The following C8orf89 variants were observed in gnomAD, a reference collection of about 807,000 sequenced individuals.
C8orf89 encodes the protein chromosome 8 open reading frame 89, also known as putative uncharacterized protein C8orf89.
Under a neutral mutation model 15.8 loss-of-function variants are expected in C8orf89, and 14 were observed. That is an observed-to-expected ratio of 0.89 (90% CI 0.59 to 1.39). The LOEUF is 1.39. C8orf89 is among the 40% of genes most tolerant of loss of function. C8orf89 has a pLI of 0.00. For missense variants in C8orf89, 181 were observed against 184.5 expected (o/e 0.98, Z 0.11); for synonymous variants, 55 against 62.2 (o/e 0.88, Z 0.54).
At chr8:73,273,989 C>T in the C8orf89 span, among the ~76,000 whole-genome samples, 1 of 151,876 alleles carries the variant, frequency 6.6e-6, no homozygotes. Context: ...ATATATCATC[C>T]AAATTATGCT....
intron 3 of C8orf89, among the ~76,000 whole-genome samples, chr8:73,243,522 T>C (rs1163755340): frequency 6.6e-6 from 1 of 152,188 alleles, no homozygotes; most frequent in Non-Finnish European, 1.5e-5. Flanking sequence ...GTTTACTTTC[T>C]TTTTCTTTTC....
At chr8:73,273,597 G>A in the C8orf89 span, among the ~76,000 whole-genome samples, 2 of 152,264 alleles carry the variant, frequency 1.3e-5, no homozygotes, top group Non-Finnish European at 2.9e-5. Flanking sequence ...TGGGCACCAT[G>A]GACGGCAGGT....
Position 73,256,917 on chromosome 8 carries a change from G to C in C8orf89, c.281+56C>G, listed in dbSNP as rs115823912. ...CTGACCAGAAAAACCTCTACATTCA[G>C]CAGTATTACTACAAATACACATTCA... On this transcript the variant is annotated intron_variant, in intron 2 of 3. Coordinates refer to ENST00000624510, the MANE Select transcript of C8orf89 (RefSeq NM_001243237.3). 3.3e-3 allele frequency: 4,068 copies of C among 1,249,442 alleles called. 102 individuals carry two copies. The African/African-American group carries it at 0.056, about 17-fold the overall frequency. 77.4% of individuals were successfully genotyped at this position (1,249,442 alleles called of 1,614,324 possible).
the C8orf89 span, among the ~76,000 whole-genome samples, chr8:73,270,681 G>A: frequency 2.0e-5 from 3 of 152,150 alleles, no homozygotes; most frequent in Non-Finnish European, 4.4e-5. Context: ...CAGGGCAGGT[G>A]GATCACTTGA....
chr8:73,278,223 C>T, the C8orf89 span, among the ~76,000 whole-genome samples: 3 of 152,138 alleles, frequency 2.0e-5, no homozygotes, highest in East Asian at 1.9e-4. Context: ...ACCCCTAAAA[C>T]GTTATTTGTA....
the C8orf89 span, among the ~76,000 whole-genome samples, chr8:73,282,793 G>C: frequency 6.6e-6 from 1 of 152,202 alleles, no homozygotes; most frequent in Non-Finnish European, 1.5e-5. Flanking sequence ...CAGTGAGAAT[G>C]CAAGATTGAT....
chr8:73,282,168 G>A, the C8orf89 span, among the ~76,000 whole-genome samples: 282 of 152,226 alleles, frequency 1.9e-3, 1 homozygote, highest in African/African-American at 6.4e-3. Context: ...AAGCATGTAC[G>A]ATATACACAT....
At chr8:73,285,630 C>G in the C8orf89 span, among the ~76,000 whole-genome samples, 1 of 152,210 alleles carries the variant, frequency 6.6e-6, no homozygotes, top group Admixed American at 6.5e-5. Flanking sequence ...GCAGCTGCAC[C>G]GAGGGGAGGG....
At chr8:73,246,683 G>A (rs1324207980) in intron 3 of C8orf89, among the ~76,000 whole-genome samples, 1 of 152,108 alleles carries the variant, frequency 6.6e-6, no homozygotes, top group Non-Finnish European at 1.5e-5. Flanking sequence ...AGCCAGCAAT[G>A]TCTTTTGTTC....
chr8:73,278,448 G>A, the C8orf89 span, among the ~76,000 whole-genome samples: 10 of 152,084 alleles, frequency 6.6e-5, no homozygotes, highest in Non-Finnish European at 1.0e-4. Context: ...CTCCTACCCT[G>A]ACGCCCGGGC....
the C8orf89 span, among the ~76,000 whole-genome samples, chr8:73,282,206 C>A: frequency 6.6e-6 from 1 of 152,054 alleles, no homozygotes; most frequent in Non-Finnish European, 1.5e-5. Flanking sequence ...AAAAAACACA[C>A]AAAAATAACT....
chr8:73,247,633 TTCTGA>T (rs1274523706), intron 3 of C8orf89, among the ~76,000 whole-genome samples: 3 of 152,354 alleles, frequency 2.0e-5, no homozygotes, highest in African/African-American at 7.2e-5. Flanking sequence ...ATAGTAGCCA[TTCTGA>T]CTCATGTGAG....
the C8orf89 span, among the ~76,000 whole-genome samples, chr8:73,269,632 T>A: frequency 6.6e-6 from 1 of 152,208 alleles, no homozygotes; most frequent in African/African-American, 2.4e-5. Context: ...ACTTAATATA[T>A]GCAGGTAGAT....
intron 3 of C8orf89, among the ~76,000 whole-genome samples, chr8:73,241,978 C>G (rs1813016808): frequency 6.6e-6 from 1 of 151,476 alleles, no homozygotes; most frequent in African/African-American, 2.4e-5. Flanking sequence ...CATCTCTCGA[C>G]ATATAAAAAA....
At position 73,259,432 on chromosome 8, in the gene C8orf89, T is replaced by G; in HGVS notation, c.27A>C (p.Lys9Asn). 6.5e-7 allele frequency: 1 copy of G among 1,534,078 alleles called. No individual in the cohort carries two copies. Among genetic ancestry groups the G allele is most frequent in the Non-Finnish European group, 8.7e-7 (1 of 1,146,034 alleles). Residue 9 changes from lysine to asparagine, a missense_variant, in exon 1 of 4, where the codon AAA (lysine) becomes AAC (asparagine). Transcript: ENST00000624510. MSVLSPEIKCETSKFTRSS... is the reference protein window; with the variant it reads MSVLSPEINCETSKFTRSS... ...TTCTGGTGAATTTAGAAGTCTCACA[T>G]TTGATTTCAGGAGATAGCACTGACA...
the C8orf89 span, among the ~76,000 whole-genome samples, chr8:73,275,749 G>A: frequency 1.3e-5 from 2 of 151,958 alleles, no homozygotes; most frequent in African/African-American, 4.8e-5. Flanking sequence ...TGTTATATAT[G>A]TTGCAAATAT....
At chr8:73,250,423 A>T in intron 2 of C8orf89, 100 bp from the exon 3 acceptor site, 1 of 685,854 alleles carries the variant, frequency 1.5e-6, no homozygotes, top group Non-Finnish European at 2.4e-6. Context: ...AATAAATGTT[A>T]AGGAAAGGAA....
At chr8:73,278,024 C>G in the C8orf89 span, 1 of 543,162 alleles carries the variant, frequency 1.8e-6, no homozygotes, top group South Asian at 1.7e-5. Context: ...GGTGAGGAAA[C>G]TTGGGTTCTG....
intron 2 of C8orf89, 62 bp downstream of exon 2, chr8:73,256,911 C>A (rs2130283677): frequency 1.7e-6 from 2 of 1,145,696 alleles, no homozygotes; most frequent in Non-Finnish European, 2.3e-6. Context: ...AAAACCTCTA[C>A]ATTCAGCAGT....
Sources: allele counts gnomAD v4.1 joint callset (sites outside exome capture counted in the v4.1 genomes callset), GRCh38; gene constraint gnomAD v4.1.1; transcripts MANE v1.5; gene names NCBI Gene and HGNC (gene_info 2026-07-23, HGNC 2026-07-21).